NELFCD: variants seen among roughly 807,000 people sequenced by gnomAD.
NELFCD encodes negative elongation factor C/D.
A neutral mutation model predicts 72.9 loss-of-function variants in NELFCD; 48 were observed. The ratio of observed to expected loss-of-function variants is 0.66; its 90% confidence interval spans 0.52 to 0.84. NELFCD has a LOEUF of 0.84. Among genes scored for constraint, NELFCD ranks in the 40% least tolerant of loss-of-function variants. The pLI is 0.00. For synonymous variants in NELFCD, 297 were observed against 280.6 expected (o/e 1.06, Z -0.59); for missense variants, 538 against 723.8 (o/e 0.74, Z 2.94).
At chr20:58,984,943 TGA>T (rs1281346252) in intron 1 of NELFCD, among the ~76,000 whole-genome samples, 1 of 152,234 alleles carries the variant, frequency 6.6e-6, no homozygotes, top group Non-Finnish European at 1.5e-5. Flanking sequence ...AAATCTGGTC[TGA>T]GAGAAGACTC....
chr20:58,992,559 C>T (rs898432859), intron 10 of NELFCD, among the ~76,000 whole-genome samples: 7 of 152,134 alleles, frequency 4.6e-5, no homozygotes, highest in East Asian at 1.9e-4. Flanking sequence ...CTTCTTGCAC[C>T]GCATGTTGAG....
chr20:58,985,527 T>C (rs1256837048), intron 1 of NELFCD, among the ~76,000 whole-genome samples: 1 of 152,156 alleles, frequency 6.6e-6, no homozygotes, highest in Non-Finnish European at 1.5e-5. Flanking sequence ...TGAAGTTGCT[T>C]CCACATAGAA....
chr20:58,988,991 A>G lies in NELFCD; in HGVS notation c.474A>G (p.Pro158=). The G allele has an allele frequency of 6.2e-7, 1 of 1,613,952 alleles. No individual in the cohort carries two copies. The highest frequency in any genetic ancestry group is 8.5e-7 in the Non-Finnish European group (1 of 1,179,814). ...DLFYKLAEAH[P]DCLMLNFTVK... is the part of the protein sequence containing the mutation. ...TTTATAAACTGGCTGAAGCCCATCC[A>G]GACTGTTTGATGCTGAACTTCACCG... Residue 158 remains proline (P), a synonymous_variant, in exon 5 of 15, where the codon CCA becomes CCG. Coordinates refer to ENST00000652272, the MANE Select transcript of NELFCD (RefSeq NM_198976.4).
chr20:58,990,885 G>C (rs369216381), intron 7 of NELFCD, 25 bp from the exon 8 acceptor site: 2 of 1,589,656 alleles, frequency 1.3e-6, no homozygotes, highest in Non-Finnish European at 1.7e-6. Flanking sequence ...TGTTAGTAAC[G>C]GGGTCTATGG....
At chr20:58,984,446 G>A (rs1420977654) in intron 1 of NELFCD, among the ~76,000 whole-genome samples, 1 of 152,166 alleles carries the variant, frequency 6.6e-6, no homozygotes, top group Non-Finnish European at 1.5e-5. Context: ...AAGAGCAGAG[G>A]CAAATGTGGA....
chr20:58,985,367 G>A (rs1001389545), intron 1 of NELFCD, among the ~76,000 whole-genome samples: 7 of 152,202 alleles, frequency 4.6e-5, no homozygotes, highest in Middle Eastern at 3.2e-3. Flanking sequence ...TGGTTGATGA[G>A]CATAGTGCAG....
intron 9 of NELFCD, 74 bp from the exon 10 acceptor site, chr20:58,991,807 G>A (rs1445754583): frequency 2.6e-6 from 4 of 1,541,642 alleles, no homozygotes; most frequent in Non-Finnish European, 3.5e-6. Flanking sequence ...TGCAAGAAGT[G>A]GCCGACACCA....
rs2091773278 is a variant in NELFCD at position 58,986,461 on chromosome 20, C to T, written c.176+253C>T. The T allele has an allele frequency of 3.6e-6, 2 of 557,190 alleles. No homozygotes were observed. Among genetic ancestry groups the T allele is most frequent in the Non-Finnish European group, 6.3e-6 (2 of 318,972 alleles). The allele number at this position is 557,190 out of a possible 1,614,324, so 34.5% of individuals were successfully genotyped here. ...GAATCAAGCAGTTCTCCCACCTCAG[C>T]CTTGCAAGGTGGCCACCACAGGCGT... On this transcript the variant is annotated intron_variant, in intron 2 of 14. Transcript: ENST00000652272. The surrounding 1 kb of genome is among the most constrained non-coding windows in gnomAD (Gnocchi z 4.4).
chr20:58,982,399 C>T (rs751769175), intron 1 of NELFCD, among the ~76,000 whole-genome samples: 2 of 152,034 alleles, frequency 1.3e-5, no homozygotes, highest in Non-Finnish European at 2.9e-5. Context: ...CTCAGGTGAT[C>T]CACCCACCTC....
At chr20:58,987,375 G>A in intron 3 of NELFCD, 1 of 318,914 alleles carries the variant, frequency 3.1e-6, no homozygotes. Context: ...TCTTTTGGCT[G>A]CCATCTGCTC....
intron 4 of NELFCD, 37 bp from the exon 5 acceptor site, chr20:58,988,876 GC>G: frequency 6.9e-7 from 1 of 1,446,092 alleles, no homozygotes; most frequent in Non-Finnish European, 9.7e-7. Flanking sequence ...TAAAAGTGGG[GC>G]CTCCTCCTAT....
At chr20:58,992,065 G>A (rs980907240) in intron 10 of NELFCD, 45 bp downstream of exon 10, 2 of 1,533,528 alleles carry the variant, frequency 1.3e-6, no homozygotes, top group Non-Finnish European at 1.8e-6. Context: ...CTTTGGGGAG[G>A]AGGTCGTTTG....
intron 3 of NELFCD, 156 bp from the exon 4 acceptor site, chr20:58,987,552 A>T: frequency 1.6e-6 from 1 of 625,786 alleles, no homozygotes; most frequent in South Asian, 2.0e-5. Flanking sequence ...TATCATTGAT[A>T]ACTACTTTGA....
intron 4 of NELFCD, 173 bp downstream of exon 4, chr20:58,987,990 G>A (rs1048504460): frequency 1.4e-4 from 83 of 602,280 alleles, no homozygotes; most frequent in Non-Finnish European, 2.2e-4. Flanking sequence ...CTGTACCCAG[G>A]GTCGTGACAT....
chr20:58,987,776 G>C lies in NELFCD; in HGVS notation c.355G>C (p.Asp119His), dbSNP rs1331876345. The stretch of plus-strand genomic sequence containing the variant: ...GAAGAGTTTGCTGATCAAACATTTT[G>C]ACCCCCGCAAAGCAGATTCTATTTT... ...HLKSLLIKHF[D>H]PRKADSIFTE... The change falls in exon 4 of 15, where the codon GAC becomes CAC. Residue 119 changes from aspartate (D) to histidine (H), a missense_variant. Transcript: ENST00000652272. 5.6e-6 allele frequency: 9 copies of C among 1,614,056 alleles called. No individual in the cohort carries two copies. The highest frequency in any genetic ancestry group is 7.6e-6 in the Non-Finnish European group (9 of 1,180,028).
Position 58,981,261 on chromosome 20 carries a change from C to T in NELFCD, c.-49C>T. ...CGCCCGTCCCCGCCTCGCGCATGCG[C>T]CGCGCTCGCTCGCGGGAGGGCATGG... is the stretch of plus-strand genomic sequence containing the variant. On this transcript the variant is annotated 5_prime_UTR_variant, in exon 1 of 15. Transcript: ENST00000652272. 9.7e-7 allele frequency: 1 copy of T among 1,031,830 alleles called. No homozygotes were observed. Among genetic ancestry groups the T allele is most frequent in the Non-Finnish European group, 1.2e-6 (1 of 861,046 alleles). The allele number at this position is 1,031,830 out of a possible 1,614,324, so 63.9% of individuals were successfully genotyped here. A position where few individuals can be genotyped will look rare whatever the true frequency, so the allele number is the denominator to read the frequency against.
At position 58,993,117 on chromosome 20, in the gene NELFCD, G is replaced by A; in HGVS notation, c.1344+5G>A. ...CACCTGGCGTTGCTGGATGAGGTAA[G>A]AGGGCGGAGAGCTGTTCACAGCCTA... On this transcript the variant is annotated splice_donor_5th_base_variant and intron_variant, in intron 11 of 14. Transcript: ENST00000652272. The surrounding 1 kb of genome is among the most constrained non-coding windows in gnomAD (Gnocchi z 5.0). The A allele has an allele frequency of 6.2e-7, 1 of 1,603,514 alleles. No individual in the cohort carries two copies. Among genetic ancestry groups the A allele is most frequent in the Non-Finnish European group, 8.5e-7 (1 of 1,170,348 alleles).
At position 58,991,362 on chromosome 20, in the gene NELFCD, A is replaced by G; in HGVS notation, c.1005A>G (p.Pro335=). The stretch of plus-strand genomic sequence containing the variant: ...TGTTCATGCAGTCACTCTTTAAACC[A>G]GGGGCTCGGATCAACCAGGACCACA... ...LDLFMQSLFK[P]GARINQDHKH... The change falls in exon 9 of 15, where the codon CCA becomes CCG. Residue 335 remains proline (P), a synonymous_variant. Transcript: ENST00000652272. 4 of 1,614,200 alleles carry G rather than the reference A, an allele frequency of 2.5e-6. No individual in the cohort carries two copies. Among genetic ancestry groups the G allele is most frequent in the African/African-American group, 2.7e-5 (2 of 75,044 alleles).
In NELFCD at chr20:58,988,474, C is replaced by A. The variant is rs115243691; in HGVS notation, c.397-440C>A. Among the ~76,000 whole-genome samples, 926 of 152,304 alleles carry A rather than the reference C, an allele frequency of 6.1e-3. 5 individuals are homozygous for A. Among genetic ancestry groups the A allele is most frequent in the Middle Eastern group, 0.031 (9 of 294 alleles). On this transcript the variant is annotated intron_variant, in intron 4 of 14. Coordinates refer to ENST00000652272, the MANE Select transcript of NELFCD (RefSeq NM_198976.4). ...CACAAACAGGATGGCAGGTTCAGAG[C>A]ACAGTCCTTGAGGACATCCGTCACA...
Sources: gnomAD v4.1 joint callset for allele counts (sites outside exome capture counted in the v4.1 genomes callset) on GRCh38, gnomAD v4.1.1 for gene constraint, Gnocchi (gnomAD v3.1) non-coding constraint, MANE v1.5 for transcripts, NCBI Gene and HGNC (gene_info 2026-07-23, HGNC 2026-07-21) for gene names.